The following SECISBP2L variants were observed in gnomAD, a reference collection of about 807,000 sequenced individuals.
The protein encoded by SECISBP2L is SECIS binding protein 2 like.
SECISBP2L carries 43 observed loss-of-function variants against 114.7 expected under a neutral mutation model. The observed-to-expected ratio is 0.38, with a 90% confidence interval of 0.29 to 0.48. The LOEUF is 0.48. Among genes scored for constraint, SECISBP2L ranks in the 20% least tolerant of loss-of-function variants. The pLI is 0.98. For missense variants in SECISBP2L, 1,136 were observed against 1,301.1 expected (o/e 0.87, Z 1.95); for synonymous variants, 451 against 439.7 (o/e 1.03, Z -0.32).
Position 48,992,769 on chromosome 15 carries a change from G to A in SECISBP2L, c.2781C>T (p.Gly927=), listed in dbSNP as rs535103584. The A allele has an allele frequency of 3.7e-6, 6 of 1,614,140 alleles. No individual in the cohort carries two copies. In the South Asian group the frequency reaches 6.6e-5, roughly 18 times the overall value. The stretch of plus-strand genomic sequence containing the variant: ...CAGCACTTGTAGCTGAGGTAGTACT[G>A]CCTGTAGCCACTAATGATGGCTGCT... ...IGKQPSLVAT[G]STTSATSAGK... Residue 927 remains glycine, a synonymous_variant, in exon 18 of 18, where the codon GGC becomes GGT. Coordinates refer to ENST00000559471, the MANE Select transcript of SECISBP2L (RefSeq NM_001193489.2).
chr15:49,029,284 T>C (rs1036837329), intron 4 of SECISBP2L, among the ~76,000 whole-genome samples: 1 of 152,248 alleles, frequency 6.6e-6, no homozygotes, highest in African/African-American at 2.4e-5. Flanking sequence ...TCCCCTCCAC[T>C]ACTATACCGT....
chr15:49,010,118 G>GAGGC (rs1322177550), intron 13 of SECISBP2L, among the ~76,000 whole-genome samples: 1 of 34,344 alleles, frequency 2.9e-5, no homozygotes, highest in Admixed American at 2.2e-4. Context: ...GGCAACAACA[G>GAGGC]AGGCAGACAC....
intron 8 of SECISBP2L, among the ~76,000 whole-genome samples, chr15:49,019,111 T>G (rs1352218412): frequency 6.6e-6 from 1 of 152,108 alleles, no homozygotes; most frequent in East Asian, 1.9e-4. Flanking sequence ...ACAACAAAAA[T>G]TAAGTGAAAA....
chr15:49,045,982 C>T (rs1161164700), intron 1 of SECISBP2L, among the ~76,000 whole-genome samples: 1 of 152,194 alleles, frequency 6.6e-6, no homozygotes, highest in African/African-American at 2.4e-5. Context: ...GTTATAAGCC[C>T]TCCTCCCAGG....
intron 17 of SECISBP2L, among the ~76,000 whole-genome samples, 179 bp from the exon 18 acceptor site, chr15:48,993,105 G>A (rs1277638192): frequency 6.9e-6 from 1 of 144,018 alleles, no homozygotes; most frequent in East Asian, 2.8e-4. Flanking sequence ...GAGAGAGTGT[G>A]TGTGTGTGTG....
rs770135159 is a variant in SECISBP2L at position 49,037,710 on chromosome 15, T to C, written c.84A>G (p.Thr28=). 1.2e-6 allele frequency: 2 copies of C among 1,613,582 alleles called. No individual in the cohort carries two copies. Among genetic ancestry groups the C allele is most frequent in the African/African-American group, 1.3e-5 (1 of 74,922 alleles). ...PFIPQKKSPD[T]FMIPMALPND... ...TTGGGAGAGCCATAGGGATCATAAATGTATCAGGACTCTTCTTCTGGGGAA... is the reference window on the plus strand; with the variant it reads ...TTGGGAGAGCCATAGGGATCATAAACGTATCAGGACTCTTCTTCTGGGGAA... The change falls in exon 2 of 18, where the codon ACA becomes ACG. Residue 28 remains threonine (T), a synonymous_variant. Transcript: ENST00000559471.
intron 14 of SECISBP2L, among the ~76,000 whole-genome samples, chr15:49,004,983 C>G (rs1329405597): frequency 6.6e-6 from 1 of 152,122 alleles, no homozygotes; most frequent in Non-Finnish European, 1.5e-5. Flanking sequence ...CCTGAATATC[C>G]TTATTAATTT....
chr15:48,988,710 AT>A lies in SECISBP2L; in HGVS notation c.*3533del. ...ATTTACATAGTGCAAAAAAGCTGTT[AT>A]TACCCCCCAAATGTGATATAACAAT... On this transcript the variant is annotated 3_prime_UTR_variant, in exon 18 of 18. Coordinates refer to ENST00000559471, the MANE Select transcript of SECISBP2L (RefSeq NM_001193489.2). 1 of 424,528 alleles carries A rather than the reference AT, an allele frequency of 2.4e-6. No homozygotes were observed. The highest frequency in any genetic ancestry group is 1.7e-5 in the South Asian group (1 of 59,266). 26.3% of individuals were successfully genotyped at this position (424,528 alleles called of 1,614,324 possible).
chr15:49,017,212 A>G (rs1452253041), intron 9 of SECISBP2L, among the ~76,000 whole-genome samples, 197 bp from the exon 10 acceptor site: 2 of 152,208 alleles, frequency 1.3e-5, no homozygotes, highest in Non-Finnish European at 2.9e-5. Flanking sequence ...AGCTTAATGC[A>G]GTGGGTGATG....
intron 3 of SECISBP2L, 38 bp from the exon 4 acceptor site, chr15:49,033,138 A>C: frequency 1.3e-6 from 2 of 1,593,282 alleles, no homozygotes; most frequent in Non-Finnish European, 1.7e-6. Context: ...AAAAACACAC[A>C]ACTATTCAAT....
chr15:49,046,052 G>A (rs574750978), intron 1 of SECISBP2L, among the ~76,000 whole-genome samples: 15 of 152,296 alleles, frequency 9.8e-5, no homozygotes, highest in Non-Finnish European at 2.9e-5. Context: ...AAGCGGCAAC[G>A]GCGAGCCCTC....
At chr15:49,046,155 T>G in intron 1 of SECISBP2L, 121 bp downstream of exon 1, 2 of 1,154,888 alleles carry the variant, frequency 1.7e-6, no homozygotes, top group Non-Finnish European at 2.4e-6. Context: ...GGCTCCCAGG[T>G]GAGGGGGTCT....
chr15:49,018,082 T>A (rs34825252), intron 8 of SECISBP2L, among the ~76,000 whole-genome samples: 111,368 of 151,616 alleles, frequency 0.73, 41,287 homozygotes, highest in Middle Eastern at 0.78. Context: ...ATCTTCCTTT[T>A]TCCTGAAAAT....
chr15:49,031,424 T>C (rs1018667653), intron 4 of SECISBP2L, among the ~76,000 whole-genome samples: 1 of 152,224 alleles, frequency 6.6e-6, no homozygotes, highest in Non-Finnish European at 1.5e-5. Context: ...TTCAGTGTTA[T>C]TGTTAATGAC....
chr15:49,016,673 T>A lies in SECISBP2L; in HGVS notation c.1448A>T (p.Lys483Met). ...ATCTAGCTGCACAGGTGTTTTATTC[T>A]TTTTTCCAGCTGCTTTTGATAAAGC... ...QEALSKAAGK[K>M]NKTPVQLDLG... Residue 483 changes from lysine (K) to methionine (M), a missense_variant, in exon 11 of 18, where the codon AAG (lysine) becomes ATG (methionine). Coordinates refer to ENST00000559471, the MANE Select transcript of SECISBP2L (RefSeq NM_001193489.2). The A allele has an allele frequency of 1.3e-6, 2 of 1,592,598 alleles. No homozygotes were observed. The highest frequency in any genetic ancestry group is 1.7e-6 in the Non-Finnish European group (2 of 1,172,452).
chr15:49,012,944 C>T, intron 11 of SECISBP2L, 127 bp from the exon 12 acceptor site: 2 of 845,594 alleles, frequency 2.4e-6, no homozygotes, highest in Non-Finnish European at 1.8e-6. Context: ...ACAGTAGGAG[C>T]ACTATACATG....
At chr15:49,019,771 C>A in intron 7 of SECISBP2L, 1 of 354,752 alleles carries the variant, frequency 2.8e-6, no homozygotes, top group Non-Finnish European at 4.9e-6. Flanking sequence ...TTTTTCCCCT[C>A]GACATGAATA....
In SECISBP2L at chr15:49,028,153, T is replaced by A; in HGVS notation, c.910A>T (p.Met304Leu). The A allele has an allele frequency of 2.5e-6, 4 of 1,581,134 alleles. No homozygotes were observed. The highest frequency in any genetic ancestry group is 3.4e-6 in the Non-Finnish European group (4 of 1,162,626). The stretch of plus-strand genomic sequence containing the variant: ...TGCAGAAAACAAGTACCTGCACACA[T>A]AGATGATTCCACATGCTAAAAAAAG... ...SGTMNHVESS[M>L]CAGGVNWSNV... is the part of the protein sequence containing the mutation. The change falls in exon 6 of 18, where the codon ATG becomes TTG. Residue 304 changes from methionine (M) to leucine (L), a missense_variant. This residue lies in a region of SECISBP2L where 452 missense variants were observed against 452.3 expected (regional missense o/e 1.00). Coordinates refer to ENST00000559471, the MANE Select transcript of SECISBP2L (RefSeq NM_001193489.2).
At chr15:48,994,675 T>G (rs1902050853) in intron 17 of SECISBP2L, among the ~76,000 whole-genome samples, 1 of 152,188 alleles carries the variant, frequency 6.6e-6, no homozygotes. Flanking sequence ...TCATGAAGTT[T>G]TTCCTAACTC....
Sources: gnomAD v4.1 joint callset for allele counts (sites outside exome capture counted in the v4.1 genomes callset) on GRCh38, gnomAD v4.1.1 for gene constraint, gnomAD v4.1.1 regional missense constraint, MANE v1.5 for transcripts, NCBI Gene and HGNC (gene_info 2026-07-23, HGNC 2026-07-21) for gene names.